TULP4: variants seen among roughly 807,000 people sequenced by gnomAD.
TULP4 encodes TUB like protein 4.
Under a neutral mutation model 129.0 loss-of-function variants are expected in TULP4, and 16 were observed. The observed-to-expected ratio is 0.12, with a 90% CI of 0.08 to 0.19. The LOEUF (loss-of-function observed/expected upper bound fraction) is 0.19. TULP4 is among the 10% of genes least tolerant of loss of function. TULP4 has a pLI of 1.00. For synonymous variants in TULP4, 998 were observed against 854.0 expected (o/e 1.17, Z -2.94); for missense variants, 1,842 against 2,059.1 (o/e 0.89, Z 2.04).
intron 1 of TULP4, among the ~76,000 whole-genome samples, chr6:158,235,162 A>G (rs373273509): frequency 1.1e-4 from 16 of 151,906 alleles, no homozygotes; most frequent in African/African-American, 3.9e-4. Flanking sequence ...TGGGTGACAC[A>G]GCGAAACTCT....
chr6:158,376,069 G>A (rs142247995), intron 1 of TULP4, among the ~76,000 whole-genome samples: 1 of 152,300 alleles, frequency 6.6e-6, no homozygotes, highest in Non-Finnish European at 1.5e-5. Flanking sequence ...AGCAGCTGGA[G>A]GAGCAGAGCA....
intron 1 of TULP4, among the ~76,000 whole-genome samples, chr6:158,401,077 GTTGTTGTT>G (rs879657705): frequency 5.8e-4 from 83 of 142,690 alleles, no homozygotes; most frequent in Non-Finnish European, 1.1e-3. Context: ...TGTTGTTGTT[GTTGTTGTT>G]TTGTTGTTTT....
rs368746691 is a variant in TULP4, at chr6:158,470,819, T to C, written c.1027-8932T>C. Among the ~76,000 whole-genome samples the C allele has an allele frequency of 7.5e-4, 114 of 152,286 alleles. 2 individuals carry two copies. Among genetic ancestry groups the C allele is most frequent in the African/African-American group, 2.7e-3 (111 of 41,552 alleles). ...TGAGCCATCTGTATGCCAAGCATTG[T>C]TCTAGGTGCTGGAGATACAGCTGTG... is the stretch of plus-strand genomic sequence containing the variant. On this transcript the variant is annotated intron_variant, in intron 6 of 13. Coordinates refer to ENST00000367097, the MANE Select transcript of TULP4 (RefSeq NM_020245.5).
At position 158,502,430 on chromosome 6, in the gene TULP4, G is replaced by T. The variant is rs1267178872; in HGVS notation, c.2767G>T (p.Ala923Ser). The change falls in exon 13 of 14, where the codon GCC (alanine) becomes TCC (serine). Residue 923 changes from alanine to serine, a missense_variant. Ala to Ser is a moderately conservative substitution (Grantham distance 99). This residue lies in a region of TULP4 where 1,089 missense variants were observed against 987.1 expected (regional missense o/e 1.10). Coordinates refer to ENST00000367097, the MANE Select transcript of TULP4 (RefSeq NM_020245.5). Reference protein sequence around the residue: ...TYTLPGPGSSATLRLTATEKK... With the variant: ...TYTLPGPGSSSTLRLTATEKK... ...CACCCTCCCCGGCCCGGGTAGCTCT[G>T]CCACCTTGAGGCTCACGGCCACTGA... 1.2e-6 allele frequency: 2 copies of T among 1,613,220 alleles called. No homozygotes were observed.
chr6:158,460,683 A>G (rs139176826), intron 5 of TULP4, among the ~76,000 whole-genome samples: 2 of 152,338 alleles, frequency 1.3e-5, no homozygotes, highest in African/African-American at 4.8e-5. Flanking sequence ...AACATCATCA[A>G]ATGACAAGAG....
At chr6:158,238,922 C>G (rs577344158) in intron 1 of TULP4, among the ~76,000 whole-genome samples, 1 of 118,952 alleles carries the variant, frequency 8.4e-6, no homozygotes, top group African/African-American at 2.9e-5. Context: ...CATCCTGGCC[C>G]GTTCTCAATG....
intron 1 of TULP4, chr6:158,397,780 A>T (rs1324624237): frequency 6.6e-6 from 1 of 152,284 alleles, no homozygotes; most frequent in Non-Finnish European, 1.5e-5. Context: ...GGCTATTTTA[A>T]GCCAGTGAGA....
At position 158,413,173 on chromosome 6, in the gene TULP4, G is replaced by A. The variant is rs960224645; in HGVS notation, c.361G>A (p.Val121Ile). ...CGAGGGCAGGTGGTCTGTGGAGCTG[G>A]TCAACGACCGCGGGGCGCAGGTGAG... ...QYEGRWSVEL[V>I]NDRGAQVSDF... The change falls in exon 2 of 14, where the codon GTC becomes ATC. Residue 121 changes from valine (V) to isoleucine (I), a missense_variant. By Grantham distance (29) the Val-to-Ile change is conservative. Coordinates refer to ENST00000367097, the MANE Select transcript of TULP4 (RefSeq NM_020245.5). The surrounding 1 kb of genome is among the most constrained non-coding windows in gnomAD (Gnocchi z 4.9). 1.2e-6 allele frequency: 2 copies of A among 1,612,926 alleles called. No individual in the cohort carries two copies. Among genetic ancestry groups the A allele is most frequent in the African/African-American group, 1.3e-5 (1 of 74,906 alleles).
intron 1 of TULP4, among the ~76,000 whole-genome samples, chr6:158,383,959 A>G (rs1007610872): frequency 2.0e-5 from 3 of 152,238 alleles, no homozygotes; most frequent in African/African-American, 7.2e-5. Context: ...TGGATTTGGC[A>G]GGAAGTTAAT....
At chr6:158,368,390 C>T (rs1776990253) in intron 1 of TULP4, among the ~76,000 whole-genome samples, 1 of 152,154 alleles carries the variant, frequency 6.6e-6, no homozygotes, top group South Asian at 2.1e-4. Flanking sequence ...ACAGCCTCCA[C>T]CTCCAAGGTT....
intron 1 of TULP4, among the ~76,000 whole-genome samples, chr6:158,394,421 T>C (rs1374170628): frequency 2.0e-5 from 3 of 152,050 alleles, no homozygotes; most frequent in Non-Finnish European, 2.9e-5. Flanking sequence ...TTTTCAGGTA[T>C]CTTCATAGCA....
chr6:158,386,314 G>C (rs1777447510), intron 1 of TULP4, among the ~76,000 whole-genome samples: 1 of 151,980 alleles, frequency 6.6e-6, no homozygotes, highest in Non-Finnish European at 1.5e-5. Context: ...TAATAAATTT[G>C]AAATTTCAGT....
At chr6:158,246,502 A>G (rs895991269) in intron 1 of TULP4, among the ~76,000 whole-genome samples, 2 of 152,068 alleles carry the variant, frequency 1.3e-5, no homozygotes, top group African/African-American at 4.8e-5. Flanking sequence ...AAAAAAAAAA[A>G]AAAAATTAAA....
chr6:158,504,984 T>C (rs200796208), intron 13 of TULP4, among the ~76,000 whole-genome samples: 10 of 151,612 alleles, frequency 6.6e-5, no homozygotes, highest in Non-Finnish European at 1.2e-4. Flanking sequence ...TGCTAGTCAA[T>C]AGCTGAGCCA....
Position 158,502,820 on chromosome 6 carries a change from C to T in TULP4, c.3157C>T (p.Leu1053=). The T allele has an allele frequency of 6.2e-7, 1 of 1,612,672 alleles. No individual in the cohort carries two copies. The highest frequency in any genetic ancestry group is 8.5e-7 in the Non-Finnish European group (1 of 1,179,870). ...TGPSSQPGAS[L]AHTASASPLA... Reference sequence around the variant, plus strand: ...GCCCAGCTCACAGCCCGGAGCCTCCCTGGCCCATACCGCCAGCGCCTCCCC... The same window carrying T: ...GCCCAGCTCACAGCCCGGAGCCTCCTTGGCCCATACCGCCAGCGCCTCCCC... Residue 1053 remains leucine, a synonymous_variant, in exon 13 of 14, where the codon CTG becomes TTG. Coordinates refer to ENST00000367097, the MANE Select transcript of TULP4 (RefSeq NM_020245.5).
intron 1 of TULP4, chr6:158,238,374 G>C (rs9295369): frequency 0.39 from 268,634 of 692,264 alleles, 55,640 homozygotes; most frequent in Admixed American, 0.5. Context: ...GGCATTGTTC[G>C]GCCTGGTTTG....
In TULP4 at chr6:158,272,545, A is replaced by T. The variant is rs191015461; in HGVS notation, n.69-39506A>T. On this transcript the variant is annotated intron_variant and non_coding_transcript_variant, in intron 1 of 1. Coordinates refer to the TULP4 transcript ENST00000620026. The stretch of plus-strand genomic sequence containing the variant: ...CACAAGGGAGGAGGAAACTATCAGG[A>T]AGTTCCTTTAGAGAGCTTACAATTA... 2.0e-5 allele frequency among the ~76,000 whole-genome samples: 3 copies of T among 152,304 alleles called. No homozygotes were observed. In the East Asian group the frequency reaches 5.8e-4, roughly 29 times the overall value.
intron 12 of TULP4, among the ~76,000 whole-genome samples, chr6:158,499,215 C>G (rs1423887924): frequency 6.6e-6 from 1 of 152,076 alleles, no homozygotes; most frequent in Non-Finnish European, 1.5e-5. Flanking sequence ...CCTTTCAGTC[C>G]CTGCTGAGAT....
Position 158,504,169 on chromosome 6 carries a change from G to A in TULP4, c.4506G>A (p.Glu1502=), listed in dbSNP as rs1251157425. Residue 1502 remains glutamate, a synonymous_variant, in exon 13 of 14, where the codon GAG becomes GAA. Coordinates refer to ENST00000367097, the MANE Select transcript of TULP4 (RefSeq NM_020245.5). ...ESAKNFQIEL[E]GRQVMQFGRI... ...CCAAGAACTTCCAGATTGAGTTAGAGGGGCGGCAGGTAAGACCTCAGACCA... is the reference window on the plus strand; with the variant it reads ...CCAAGAACTTCCAGATTGAGTTAGAAGGGCGGCAGGTAAGACCTCAGACCA... The A allele has an allele frequency of 6.3e-7, 1 of 1,587,200 alleles. No homozygotes were observed. The highest frequency in any genetic ancestry group is 1.8e-5 in the Admixed American group (1 of 56,964).
Sources: gnomAD v4.1 joint callset for allele counts (sites outside exome capture counted in the v4.1 genomes callset) on GRCh38, gnomAD v4.1.1 for gene constraint, gnomAD v4.1.1 regional missense constraint, Gnocchi (gnomAD v3.1) non-coding constraint, MANE v1.5 for transcripts, NCBI Gene and HGNC (gene_info 2026-07-23, HGNC 2026-07-21) for gene names.